Variants in MIB1 observed in about 807,000 individuals in gnomAD.
MIB1 encodes the protein MIB E3 ubiquitin protein ligase 1.
In MIB1, 278 loss-of-function variants were observed where a neutral mutation model predicts 124.5. That is an observed-to-expected ratio of 2.23 (90% CI 2.02 to 2.47). The LOEUF (loss-of-function observed/expected upper bound fraction) is 2.47, where lower values mean the gene tolerates loss of function less well. MIB1 is among the 30% of genes most tolerant of loss of function. The pLI, the probability that MIB1 is intolerant of heterozygous loss-of-function variation, is 0.00. For synonymous variants in MIB1, 446 were observed against 429.4 expected (o/e 1.04, Z -0.48); for missense variants, 957 against 1,254.4 (o/e 0.76, Z 3.58).
chr18:21,749,613 C>T (rs546469573), intron 1 of MIB1, among the ~76,000 whole-genome samples: 1 of 139,596 alleles, frequency 7.2e-6, no homozygotes, highest in African/African-American at 2.7e-5. Context: ...ACAACTGATA[C>T]ATTTTTTCTA....
chr18:21,840,835 A>G (rs1361078289), intron 13 of MIB1, among the ~76,000 whole-genome samples: 1 of 151,822 alleles, frequency 6.6e-6, no homozygotes, highest in Non-Finnish European at 1.5e-5. Flanking sequence ...TGTCTTAAAA[A>G]TAAAACAAAA....
intron 16 of MIB1, among the ~76,000 whole-genome samples, chr18:21,847,350 A>G (rs1445964351): frequency 6.6e-6 from 1 of 152,194 alleles, no homozygotes; most frequent in Non-Finnish European, 1.5e-5. Flanking sequence ...GCAATGCTCT[A>G]TACTTAATAA....
chr18:21,866,805 G>A lies in MIB1; in HGVS notation c.*2139G>A, dbSNP rs866309958. The stretch of plus-strand genomic sequence containing the variant: ...CATTATAATTTTAGTGCTAGTACTT[G>A]TGGGTTTTCTGTATTTGTATCACCT... On this transcript the variant is annotated 3_prime_UTR_variant, in exon 21 of 21. Transcript: ENST00000261537. The A allele has an allele frequency of 3.9e-5, 6 of 152,316 alleles. No individual in the cohort carries two copies. The South Asian group carries it at 1.0e-3, about 26-fold the overall frequency. The allele number at this position is 152,316 out of a possible 1,614,324, so 9.4% of individuals were successfully genotyped here. A position where few individuals can be genotyped will look rare whatever the true frequency, so the allele number is the denominator to read the frequency against.
chr18:21,860,850 C>T (rs1048721227), intron 20 of MIB1, among the ~76,000 whole-genome samples: 12 of 152,026 alleles, frequency 7.9e-5, no homozygotes, highest in African/African-American at 2.7e-4. Context: ...GCCTGAGCAA[C>T]GTAACAAGAC....
At chr18:21,811,156 A>T (rs1398120960) in intron 10 of MIB1, among the ~76,000 whole-genome samples, 1 of 152,184 alleles carries the variant, frequency 6.6e-6, no homozygotes, top group African/African-American at 2.4e-5. Context: ...AATGCAAACC[A>T]AAATGACAGT....
chr18:21,713,624 A>G (rs2040675634), intron 1 of MIB1, among the ~76,000 whole-genome samples: 1 of 150,150 alleles, frequency 6.7e-6, no homozygotes, highest in Admixed American at 6.6e-5. Context: ...AAAAAAAAAA[A>G]AAAAAAAAAA....
intron 10 of MIB1, among the ~76,000 whole-genome samples, chr18:21,806,885 C>T (rs899340314): frequency 5.9e-5 from 9 of 152,096 alleles, no homozygotes; most frequent in African/African-American, 2.2e-4. Flanking sequence ...CCTCCCAAAA[C>T]ACTGGGATTA....
intron 9 of MIB1, among the ~76,000 whole-genome samples, chr18:21,803,254 A>AG (rs1305703730): frequency 1.3e-5 from 2 of 152,212 alleles, no homozygotes; most frequent in Non-Finnish European, 2.9e-5. Context: ...CCAAGCTACC[A>AG]TCTTTAACTA....
Position 21,815,667 on chromosome 18 carries a change from G to T in MIB1, c.1531G>T (p.Ala511Ser), listed in dbSNP as rs374317020. ...VHHAAFGDEG[A>S]VIEVLHRGSA... ...CCATGCAGCTTTTGGAGATGAAGGCGCTGTTATAGAAGTACTACATCGAGG... is the reference window on the plus strand; with the variant it reads ...CCATGCAGCTTTTGGAGATGAAGGCTCTGTTATAGAAGTACTACATCGAGG... Residue 511 changes from alanine to serine, a missense_variant, in exon 11 of 21, where the codon GCT becomes TCT. By Grantham distance (99) the Ala-to-Ser change is moderately conservative. Transcript: ENST00000261537. 1 of 1,614,006 alleles carries T rather than the reference G, an allele frequency of 6.2e-7. No homozygotes were observed. Among genetic ancestry groups the T allele is most frequent in the Non-Finnish European group, 8.5e-7 (1 of 1,180,022 alleles).
chr18:21,829,044 G>C, intron 12 of MIB1: 1 of 484,500 alleles, frequency 2.1e-6, no homozygotes, highest in South Asian at 1.5e-5. Context: ...CCATAGCATT[G>C]TATGTTCATA....
chr18:21,738,976 C>CA (rs886892035), upstream of MIB1, among the ~76,000 whole-genome samples: 5 of 150,732 alleles, frequency 3.3e-5, no homozygotes, highest in Non-Finnish European at 5.9e-5. Context: ...AAAAACCCTT[C>CA]AAAAAAATTA....
At chr18:21,864,053 A>G (rs1383274096) in intron 20 of MIB1, among the ~76,000 whole-genome samples, 1 of 152,142 alleles carries the variant, frequency 6.6e-6, no homozygotes, top group African/African-American at 2.4e-5. Context: ...GCAAGCAGGA[A>G]TAGAAGTTCT....
At chr18:21,822,079 G>A (rs1022976614) in intron 12 of MIB1, among the ~76,000 whole-genome samples, 1 of 152,142 alleles carries the variant, frequency 6.6e-6, no homozygotes, top group African/African-American at 2.4e-5. Flanking sequence ...TGAGCACACT[G>A]TTAAATATCA....
Position 21,778,181 on chromosome 18 carries a change from G to A in MIB1, c.703+12G>A, listed in dbSNP as rs780063426. On this transcript the variant is annotated intron_variant, in intron 5 of 20. Coordinates refer to ENST00000261537, the MANE Select transcript of MIB1 (RefSeq NM_020774.4). ...CTGCCCTGTGCTAGGTGAGTGAGAA[G>A]ATTAGAGAGTATTACTAAATAATGG... is the stretch of plus-strand genomic sequence containing the variant. 2 of 1,562,732 alleles carry A rather than the reference G, an allele frequency of 1.3e-6. No individual in the cohort carries two copies. Among genetic ancestry groups the A allele is most frequent in the Non-Finnish European group, 1.8e-6 (2 of 1,134,378 alleles).
intron 12 of MIB1, among the ~76,000 whole-genome samples, chr18:21,829,981 C>G (rs1167414781): frequency 6.6e-6 from 1 of 151,854 alleles, no homozygotes; most frequent in East Asian, 1.9e-4. Flanking sequence ...AAGTAGCCTT[C>G]AGTTATTGTG....
intron 13 of MIB1, among the ~76,000 whole-genome samples, chr18:21,841,814 C>A (rs538076985): frequency 6.6e-6 from 1 of 151,952 alleles, no homozygotes; most frequent in Admixed American, 6.6e-5. Flanking sequence ...GGAAGCGAAG[C>A]CAAATGTTCA....
At chr18:21,724,926 A>C (rs1201550829) in intron 1 of MIB1, among the ~76,000 whole-genome samples, 1 of 146,520 alleles carries the variant, frequency 6.8e-6, no homozygotes, top group Non-Finnish European at 1.5e-5. Flanking sequence ...TCCTGTCTCT[A>C]CTAAAAAAAA....
chr18:21,838,268 T>G, intron 12 of MIB1, 97 bp from the exon 13 acceptor site: 1 of 750,218 alleles, frequency 1.3e-6, no homozygotes, highest in South Asian at 2.8e-5. Flanking sequence ...AAGAGCATTT[T>G]TTTCTTTAAA....
chr18:21,824,343 A>T (rs1310512264), intron 12 of MIB1, among the ~76,000 whole-genome samples: 2 of 152,084 alleles, frequency 1.3e-5, no homozygotes, highest in Non-Finnish European at 2.9e-5. Flanking sequence ...GAATGTTGTG[A>T]TGCTTTTTTT....
Sources: gnomAD v4.1 joint callset for allele counts (sites outside exome capture counted in the v4.1 genomes callset) on GRCh38, gnomAD v4.1.1 for gene constraint, MANE v1.5 for transcripts, NCBI Gene and HGNC (gene_info 2026-07-23, HGNC 2026-07-21) for gene names.